ETV1: variants seen among roughly 807,000 people sequenced by gnomAD.
The protein encoded by ETV1 is ETS variant transcription factor 1.
In ETV1, 27 loss-of-function variants were observed where a neutral mutation model predicts 62.3. The ratio of observed to expected loss-of-function variants is 0.43; its 90% CI spans 0.32 to 0.60. ETV1 has a LOEUF of 0.60. Ranked by LOEUF, ETV1 falls within the 20% of genes least tolerant of loss-of-function variation. ETV1 has a pLI of 0.06. For synonymous variants in ETV1, 222 were observed against 199.6 expected, an observed-to-expected ratio of 1.11 and a Z score of -0.94; for missense variants, 605 against 605.8, an observed-to-expected ratio of 1.00 and a Z score of 0.01.
chr7:13,963,569 G>GTA (rs1390930112), intron 6 of ETV1, among the ~76,000 whole-genome samples: 1 of 149,342 alleles, frequency 6.7e-6, no homozygotes, highest in Admixed American at 6.7e-5. Context: ...ACACCTATAC[G>GTA]TATATATAGA....
intron 6 of ETV1, among the ~76,000 whole-genome samples, chr7:13,942,086 C>G (rs1294833960): frequency 1.4e-5 from 2 of 143,742 alleles, no homozygotes; most frequent in South Asian, 2.2e-4. Context: ...TGCAGTGGCG[C>G]GATCTCGGCT....
intron 6 of ETV1, among the ~76,000 whole-genome samples, chr7:13,943,581 C>A (rs1285171371): frequency 2.0e-5 from 3 of 152,104 alleles, no homozygotes; most frequent in African/African-American, 7.2e-5. Context: ...TTCAAAGAAG[C>A]TTTATTCATG....
intron 9 of ETV1, among the ~76,000 whole-genome samples, chr7:13,915,529 CTTA>C (rs1201414263): frequency 1.3e-5 from 2 of 152,156 alleles, no homozygotes; most frequent in African/African-American, 4.8e-5. Context: ...TTTTTGTTTG[CTTA>C]CTTCTTCTCA....
intron 6 of ETV1, among the ~76,000 whole-genome samples, chr7:13,968,595 G>T (rs554646490): frequency 6.6e-6 from 1 of 151,460 alleles, no homozygotes; most frequent in South Asian, 2.1e-4. Context: ...ATAAAAGAAA[G>T]TACACCTACT....
chr7:13,983,883 C>T (rs971920288), intron 5 of ETV1, among the ~76,000 whole-genome samples: 2 of 151,526 alleles, frequency 1.3e-5, no homozygotes, highest in African/African-American at 4.8e-5. Flanking sequence ...TGGTCCCATC[C>T]CAACCCTCAA....
At chr7:13,914,112 T>C (rs1393379648) in intron 9 of ETV1, among the ~76,000 whole-genome samples, 2 of 151,860 alleles carry the variant, frequency 1.3e-5, no homozygotes, top group Non-Finnish European at 2.9e-5. Context: ...CTCGAACTCC[T>C]GACCTCAAGT....
chr7:13,972,107 C>T (rs939580840), intron 6 of ETV1, among the ~76,000 whole-genome samples: 7 of 151,484 alleles, frequency 4.6e-5, no homozygotes, highest in African/African-American at 1.7e-4. Context: ...GAGACTCTGT[C>T]TCAAAAAGAA....
intron 6 of ETV1, among the ~76,000 whole-genome samples, chr7:13,963,232 T>C (rs1790393738): frequency 6.6e-6 from 1 of 152,090 alleles, no homozygotes; most frequent in Admixed American, 6.6e-5. Context: ...CATCTTTCAG[T>C]TCACAGCACC....
At chr7:13,942,778 T>C (rs553165681) in intron 6 of ETV1, among the ~76,000 whole-genome samples, 112 of 152,340 alleles carry the variant, frequency 7.4e-4, no homozygotes, top group Non-Finnish European at 1.4e-3. Flanking sequence ...CAGGTTTACA[T>C]GACTAAAAAT....
At chr7:13,956,019 G>A (rs944936648) in intron 6 of ETV1, among the ~76,000 whole-genome samples, 2 of 152,034 alleles carry the variant, frequency 1.3e-5, no homozygotes. Flanking sequence ...TATGCAGCTT[G>A]TTAAATCTGA....
chr7:13,967,588 A>C (rs2128489972), intron 6 of ETV1, among the ~76,000 whole-genome samples: 1 of 152,218 alleles, frequency 6.6e-6, no homozygotes, highest in Admixed American at 6.5e-5. Context: ...TCTAACCAAA[A>C]TTTTTACCTA....
chr7:13,896,181 G>C, intron 13 of ETV1, 94 bp from the exon 14 acceptor site: 1 of 911,336 alleles, frequency 1.1e-6, no homozygotes, highest in Non-Finnish European at 1.7e-6. Flanking sequence ...TTAATATACA[G>C]GAAAGGATGG....
At chr7:13,936,758 T>C (rs2128457019) in intron 7 of ETV1, among the ~76,000 whole-genome samples, 1 of 152,280 alleles carries the variant, frequency 6.6e-6, no homozygotes, top group East Asian at 1.9e-4. Flanking sequence ...GTATTTCATT[T>C]TGCTGGGCGC....
At chr7:13,951,854 G>A (rs979154991) in intron 6 of ETV1, among the ~76,000 whole-genome samples, 1 of 152,140 alleles carries the variant, frequency 6.6e-6, no homozygotes, top group Non-Finnish European at 1.5e-5. Flanking sequence ...TAGCTGACAT[G>A]TGGCAAGTAC....
chr7:13,946,979 C>T (rs547212835), intron 6 of ETV1, among the ~76,000 whole-genome samples: 10 of 152,138 alleles, frequency 6.6e-5, no homozygotes, highest in Middle Eastern at 3.4e-3. Context: ...TTAGTAGAGA[C>T]GGGGTTTCAC....
At chr7:13,982,947 A>G (rs1782147447) in intron 5 of ETV1, among the ~76,000 whole-genome samples, 1 of 152,060 alleles carries the variant, frequency 6.6e-6, no homozygotes, top group Admixed American at 6.6e-5. Context: ...ATTTACCATC[A>G]GCCATTAAAG....
At chr7:13,990,827 C>A (rs1782969674), upstream of ETV1, 1 of 152,174 alleles carries the variant, frequency 6.6e-6, no homozygotes, top group African/African-American at 2.4e-5. Context: ...GAACTAGTGA[C>A]CAAAAGACGT....
chr7:13,989,681 C>T (rs1307947796), upstream of ETV1: 1 of 398,628 alleles, frequency 2.5e-6, no homozygotes, highest in African/African-American at 2.1e-5. Flanking sequence ...GAGCTCAATT[C>T]GGTGGTTTTT....
At chr7:13,926,365 A>G (rs1785427866) in intron 9 of ETV1, among the ~76,000 whole-genome samples, 1 of 151,690 alleles carries the variant, frequency 6.6e-6, no homozygotes, top group Admixed American at 6.6e-5. Context: ...CAAAAAAAGC[A>G]AAATATCAAC....
Sources: gnomAD v4.1 joint callset for allele counts (sites outside exome capture counted in the v4.1 genomes callset) on GRCh38, gnomAD v4.1.1 for gene constraint, MANE v1.5 for transcripts, NCBI Gene and HGNC (gene_info 2026-07-23, HGNC 2026-07-21) for gene names.